SDCCAG8: variants seen among roughly 807,000 people sequenced by gnomAD.
The protein encoded by SDCCAG8 is SHH signaling and ciliogenesis regulator SDCCAG8.
Under a neutral mutation model 101.8 loss-of-function variants are expected in SDCCAG8, and 74 were observed. That is an observed-to-expected ratio of 0.73 (90% CI 0.60 to 0.88). SDCCAG8 has a LOEUF of 0.88. SDCCAG8 is among the 40% of genes least tolerant of loss of function. SDCCAG8 has a pLI of 0.00. For missense variants in SDCCAG8, 787 were observed against 822.6 expected, an observed-to-expected ratio of 0.96 and a Z score of 0.53; for synonymous variants, 281 against 292.9, an observed-to-expected ratio of 0.96 and a Z score of 0.41.
At chr1:243,484,045 C>A (rs905498067) in intron 16 of SDCCAG8, among the ~76,000 whole-genome samples, 1 of 152,200 alleles carries the variant, frequency 6.6e-6, no homozygotes, top group Admixed American at 6.5e-5. Context: ...CCTTCCTAAG[C>A]CCCAAGTTGC....
At chr1:243,400,901 C>G (rs2079349570) in intron 13 of SDCCAG8, among the ~76,000 whole-genome samples, 1 of 152,108 alleles carries the variant, frequency 6.6e-6, no homozygotes, top group African/African-American at 2.4e-5. Context: ...ATTTTATTTT[C>G]CTTCAACCCA....
At chr1:243,442,049 G>A (rs759256144) in intron 16 of SDCCAG8, among the ~76,000 whole-genome samples, 1 of 151,960 alleles carries the variant, frequency 6.6e-6, no homozygotes, top group African/African-American at 2.4e-5. Context: ...ATAAAACTTC[G>A]TATTTTTACA....
At chr1:243,406,160 A>G (rs551714689) in intron 13 of SDCCAG8, among the ~76,000 whole-genome samples, 1 of 152,346 alleles carries the variant, frequency 6.6e-6, no homozygotes, top group East Asian at 1.9e-4. Flanking sequence ...AGACAAATTG[A>G]AATGGAAAAT....
chr1:243,307,266 C>A (rs2072240693), intron 7 of SDCCAG8: 1 of 297,712 alleles, frequency 3.4e-6, no homozygotes, highest in Non-Finnish European at 4.9e-6. Flanking sequence ...CACCCACACC[C>A]ACACCACCCC....
intron 7 of SDCCAG8, 73 bp downstream of exon 7, chr1:243,304,850 A>C: frequency 1.1e-6 from 1 of 932,978 alleles, no homozygotes; most frequent in Non-Finnish European, 1.8e-6. Context: ...ATGTTTGCTG[A>C]ACTTCTAGTT....
intron 14 of SDCCAG8, among the ~76,000 whole-genome samples, chr1:243,417,241 TG>T (rs1181591434): frequency 1.3e-5 from 2 of 152,170 alleles, no homozygotes; most frequent in Non-Finnish European, 2.9e-5. Context: ...TTATTGTTTT[TG>T]CCCCCACTGC....
chr1:243,472,659 A>AT (rs2148195372), intron 16 of SDCCAG8, among the ~76,000 whole-genome samples: 1 of 152,368 alleles, frequency 6.6e-6, no homozygotes, highest in Non-Finnish European at 1.5e-5. Context: ...ATGAAAATAC[A>AT]TTCTAATTTA....
intron 9 of SDCCAG8, among the ~76,000 whole-genome samples, chr1:243,327,863 A>G (rs143934623): frequency 5.3e-5 from 8 of 152,306 alleles, no homozygotes; most frequent in African/African-American, 1.4e-4. Context: ...GTTAAAATCA[A>G]AGCAAATAAA....
At chr1:243,286,068 A>C (rs948357337) in intron 4 of SDCCAG8, among the ~76,000 whole-genome samples, 1 of 152,234 alleles carries the variant, frequency 6.6e-6, no homozygotes, top group Non-Finnish European at 1.5e-5. Context: ...ATATGCCACC[A>C]GCAGGCCCAT....
At chr1:243,340,932 G>A in intron 10 of SDCCAG8, 107 bp from the exon 11 acceptor site, 1 of 1,133,182 alleles carries the variant, frequency 8.8e-7, no homozygotes, top group Non-Finnish European at 1.3e-6. Context: ...CAGAGAAATG[G>A]CTCACAGAGC....
chr1:243,344,400 GT>G, intron 12 of SDCCAG8, 69 bp downstream of exon 12: 1 of 1,082,364 alleles, frequency 9.2e-7, no homozygotes, highest in South Asian at 1.3e-5. Flanking sequence ...AGTTGATGTT[GT>G]TTTATTCCTA....
intron 14 of SDCCAG8, among the ~76,000 whole-genome samples, chr1:243,417,463 C>A (rs541041119): frequency 6.6e-6 from 1 of 152,162 alleles, no homozygotes; most frequent in East Asian, 1.9e-4. Context: ...CACATTTTTA[C>A]CTTCATAATT....
intron 5 of SDCCAG8, among the ~76,000 whole-genome samples, chr1:243,289,817 G>T (rs12079656): frequency 0.29 from 44,639 of 151,866 alleles, 6,764 homozygotes; most frequent in South Asian, 0.52. Flanking sequence ...AACCATCTTT[G>T]TTTGCAGAGG....
At position 243,256,079 on chromosome 1, in the gene SDCCAG8, G is replaced by T. The variant is rs2066622768; in HGVS notation, c.-95G>T. ...CTGTGACAGCCGCGGCAGGAAGCAGGCGGGCGCTCCCCGGCCACAGGCCTG... is the reference window on the plus strand; with the variant it reads ...CTGTGACAGCCGCGGCAGGAAGCAGTCGGGCGCTCCCCGGCCACAGGCCTG... On this transcript the variant is annotated 5_prime_UTR_variant, in exon 1 of 18. Coordinates refer to ENST00000366541, the MANE Select transcript of SDCCAG8 (RefSeq NM_006642.5). 2 of 1,177,232 alleles carry T rather than the reference G, an allele frequency of 1.7e-6. No individual in the cohort carries two copies. 72.9% of individuals were successfully genotyped at this position (1,177,232 alleles called of 1,614,324 possible).
chr1:243,322,707 C>T (rs1480678801), intron 9 of SDCCAG8, among the ~76,000 whole-genome samples: 1 of 151,972 alleles, frequency 6.6e-6, no homozygotes, highest in Non-Finnish European at 1.5e-5. Flanking sequence ...CTCTACAGTG[C>T]CTTTATTCTT....
At position 243,390,921 on chromosome 1, in the gene SDCCAG8, G is replaced by C. The variant is rs1464803896; in HGVS notation, c.1616+12058G>C. On this transcript the variant is annotated intron_variant, in intron 13 of 17. Coordinates refer to ENST00000366541, the MANE Select transcript of SDCCAG8 (RefSeq NM_006642.5). ...GAATATAACAAAAGCCCATCACCTTGATGTTTAATTTCTTCCGGTAAATTT... is the reference window on the plus strand; with the variant it reads ...GAATATAACAAAAGCCCATCACCTTCATGTTTAATTTCTTCCGGTAAATTT... 2.0e-5 allele frequency among the ~76,000 whole-genome samples: 3 copies of C among 152,176 alleles called. No individual in the cohort carries two copies. The East Asian group carries it at 5.8e-4, about 29-fold the overall frequency.
chr1:243,303,830 T>C (rs549291315), intron 6 of SDCCAG8, among the ~76,000 whole-genome samples: 12 of 152,234 alleles, frequency 7.9e-5, no homozygotes, highest in Admixed American at 2.0e-4. Context: ...CCCAGCACTT[T>C]GGGAAGCTGA....
intron 7 of SDCCAG8, among the ~76,000 whole-genome samples, chr1:243,307,021 C>A (rs1237743242): frequency 2.0e-5 from 3 of 151,386 alleles, no homozygotes; most frequent in African/African-American, 7.3e-5. Context: ...AAAGTTCCTG[C>A]CTTCAGTAGT....
intron 1 of SDCCAG8, among the ~76,000 whole-genome samples, chr1:243,260,161 C>T (rs1167572302): frequency 2.6e-5 from 4 of 152,168 alleles, no homozygotes; most frequent in South Asian, 2.1e-4. Context: ...GCAGAAAAAC[C>T]GGAAGGCTTT....
Sources: gnomAD v4.1 joint callset for allele counts (sites outside exome capture counted in the v4.1 genomes callset) on GRCh38, gnomAD v4.1.1 for gene constraint, MANE v1.5 for transcripts, NCBI Gene and HGNC (gene_info 2026-07-23, HGNC 2026-07-21) for gene names.